The following DDX3X variants were observed in gnomAD, a reference collection of about 807,000 sequenced individuals.
The protein encoded by DDX3X is DEAD-box helicase 3 X-linked, also known as ATP-dependent RNA helicase DDX3X.
In DDX3X, 4 loss-of-function variants were observed where a neutral mutation model predicts 52.7. The ratio of observed to expected loss-of-function variants is 0.08; its 90% CI spans 0.04 to 0.17. The LOEUF is 0.17. DDX3X is among the 10% of genes least tolerant of loss of function. The pLI is 1.00. For synonymous variants in DDX3X, 192 were observed against 178.1 expected (o/e 1.08, Z -0.62); for missense variants, 222 against 548.6 (o/e 0.40, Z 5.95).
intron 3 of DDX3X, 55 bp downstream of exon 3, chrX:41,339,138 G>T: frequency 1.4e-6 from 1 of 719,704 alleles, no homozygotes. Context: ...TTAGAAGTTA[G>T]TAAAGCCTAA....
At chrX:41,358,902 G>A (rs775654233) in intron 5 of DDX3X, among the ~76,000 whole-genome samples, 5 of 111,502 alleles carry the variant, frequency 4.5e-5, no homozygotes, top group East Asian at 2.8e-4. Context: ...GGGATTACAG[G>A]TGCCCACCAC....
At position 41,345,750 on chromosome X, in the gene DDX3X, T is replaced by C. The variant is rs2690008; in HGVS notation, c.1315+202T>C. ...TGCTTCCGGGAGGTTACCATGTTGA[T>C]GCCAAACTTAGTGTGGACACCTGAT... On this transcript the variant is annotated intron_variant, in intron 12 of 16. Coordinates refer to ENST00000644876, the MANE Select transcript of DDX3X (RefSeq NM_001356.5). 8.8e-3 allele frequency: 3,541 copies of C among 401,072 alleles called. 13 individuals are homozygous for C. Among genetic ancestry groups the C allele is most frequent in the Middle Eastern group, 0.029 (43 of 1,461 alleles). The allele number at this position is 401,072 out of a possible 1,213,427, so 33.1% of individuals were successfully genotyped here. A position where few individuals can be genotyped will look rare whatever the true frequency, so the allele number is the denominator to read the frequency against.
At chrX:41,342,210 G>C (rs1268217239) in intron 4 of DDX3X, 2 of 264,255 alleles carry the variant, frequency 7.6e-6, no homozygotes, top group Non-Finnish European at 1.3e-5. Flanking sequence ...AAGGTTGTGA[G>C]CTGTGTGCCG....
rs745363651 is a variant in DDX3X, at chrX:41,345,466, C to G, written c.1233C>G (p.Thr411=). ...TGGCTGTAGGAAGAGTTGGCTCTAC[C>G]TCTGAAAACATCACACAGAAAGTAG... The part of the protein sequence containing the change: ...IFLAVGRVGS[T]SENITQKVVW... The change falls in exon 12 of 17, where the codon ACC becomes ACG. Residue 411 remains threonine, a synonymous_variant. Coordinates refer to ENST00000644876, the MANE Select transcript of DDX3X (RefSeq NM_001356.5). The G allele has an allele frequency of 2.5e-6, 3 of 1,209,707 alleles. No homozygotes were observed. Among genetic ancestry groups the G allele is most frequent in the South Asian group, 3.5e-5 (2 of 56,822 alleles).
At chrX:41,341,066 A>G in intron 3 of DDX3X, 1 of 193,242 alleles carries the variant, frequency 5.2e-6, no homozygotes, top group Non-Finnish European at 9.5e-6. Flanking sequence ...GCTCACTGCA[A>G]CCTCAGCCTC....
chrX:41,341,907 CTA>C (rs2063856309), intron 4 of DDX3X: 3 of 233,233 alleles, frequency 1.3e-5, no homozygotes, highest in Middle Eastern at 1.4e-3. Context: ...TTTGTGGACT[CTA>C]TAACAATTTC....
intron 5 of DDX3X, among the ~76,000 whole-genome samples, chrX:41,360,377 CA>C (rs1222630328): frequency 0.024 from 1,929 of 80,244 alleles, 42 homozygotes; most frequent in African/African-American, 0.075. Flanking sequence ...AACTCTGTCT[CA>C]AAAAAAAAAA....
At chrX:41,337,619 T>G in intron 2 of DDX3X, 154 bp downstream of exon 2, 1 of 424,181 alleles carries the variant, frequency 2.4e-6, no homozygotes, top group Non-Finnish European at 3.9e-6. Context: ...TAGTACTTAG[T>G]GATCAATCTA....
intron 5 of DDX3X, among the ~76,000 whole-genome samples, chrX:41,361,371 G>A (rs2064029290): frequency 9.1e-6 from 1 of 109,676 alleles, no homozygotes; most frequent in South Asian, 3.9e-4. Flanking sequence ...AATTAGCCGG[G>A]TGTGGTGGCT....
downstream of DDX3X, among the ~76,000 whole-genome samples, chrX:41,354,235 A>C: frequency 9.1e-6 from 1 of 109,365 alleles, no homozygotes; most frequent in Non-Finnish European, 1.9e-5. Context: ...AGTTTTACTC[A>C]TTTGTATGCA....
chrX:41,335,183 T>G (rs925237560), intron 1 of DDX3X: 4 of 111,126 alleles, frequency 3.6e-5, no homozygotes, highest in African/African-American at 1.3e-4. Context: ...TTCTCCTCCT[T>G]GCTTGCCCCA....
chrX:41,348,000 C>T lies in DDX3X; in HGVS notation c.*281C>T. The T allele has an allele frequency of 5.9e-6, 2 of 337,183 alleles. No individual in the cohort carries two copies. Among genetic ancestry groups the T allele is most frequent in the South Asian group, 2.1e-4 (2 of 9,704 alleles). 27.8% of individuals were successfully genotyped at this position (337,183 alleles called of 1,213,427 possible). ...CCAAACTGCATTTATAATTTTGTGA[C>T]TGAGGATCATTTGTTTGTTAATGTA... On this transcript the variant is annotated 3_prime_UTR_variant, in exon 17 of 17. Transcript: ENST00000644876.
At chrX:41,350,684 G>A (rs759699087), downstream of DDX3X, 1 of 111,328 alleles carries the variant, frequency 9.0e-6, no homozygotes, top group African/African-American at 3.3e-5. Flanking sequence ...TAGTTTACTT[G>A]GAAGCTGAGG....
chrX:41,361,915 A>G (rs766698475), intron 5 of DDX3X, among the ~76,000 whole-genome samples: 2 of 110,662 alleles, frequency 1.8e-5, no homozygotes, highest in East Asian at 5.6e-4. Context: ...GGGTCCCCCC[A>G]CATCTCATTA....
upstream of DDX3X, chrX:41,333,874 TCTCGAGAA>T (rs1354064099): frequency 3.8e-5 from 6 of 156,704 alleles, no homozygotes; most frequent in Non-Finnish European, 7.3e-5. Flanking sequence ...TCTCGCGAGA[TCTCGAGAA>T]CTCCGAGGCT....
intron 5 of DDX3X, among the ~76,000 whole-genome samples, chrX:41,359,325 G>A (rs1034364425): frequency 8.9e-6 from 1 of 111,735 alleles, no homozygotes; most frequent in African/African-American, 3.3e-5. Flanking sequence ...GTTGCCTCCA[G>A]GCCGGGCATC....
rs2063948961 is a variant in DDX3X, at chrX:41,348,119, G to C, written c.*400G>C. 1 of 277,839 alleles carries C rather than the reference G, an allele frequency of 3.6e-6. No individual in the cohort carries two copies. Among genetic ancestry groups the C allele is most frequent in the South Asian group, 2.3e-4 (1 of 4,332 alleles). 22.9% of individuals were successfully genotyped at this position (277,839 alleles called of 1,213,427 possible). A position where few individuals can be genotyped will look rare whatever the true frequency, so the allele number is the denominator to read the frequency against. On this transcript the variant is annotated 3_prime_UTR_variant, in exon 17 of 17. Transcript: ENST00000644876. ...ATTGTTTTGACAAAATAAATTTACTGAACTTGGGCTAAAATCAAACCTTGG... is the reference window on the plus strand; with the variant it reads ...ATTGTTTTGACAAAATAAATTTACTCAACTTGGGCTAAAATCAAACCTTGG...
downstream of DDX3X, among the ~76,000 whole-genome samples, chrX:41,354,159 C>T (rs1376635027): frequency 9.0e-6 from 1 of 110,635 alleles, no homozygotes; most frequent in African/African-American, 3.3e-5. Context: ...TAACATCTGG[C>T]ATACTGCAGT....
Position 41,347,971 on chromosome X carries a change from C to T in DDX3X, c.*252C>T. Reference sequence around the variant, plus strand: ...GATTAACTCCCCTCCCGCCTACCCCCATCCCAAACTGCATTTATAATTTTG... The same window carrying T: ...GATTAACTCCCCTCCCGCCTACCCCTATCCCAAACTGCATTTATAATTTTG... On this transcript the variant is annotated 3_prime_UTR_variant, in exon 17 of 17. Transcript: ENST00000644876. 2.9e-6 allele frequency: 1 copy of T among 343,736 alleles called. No individual in the cohort carries two copies. Among genetic ancestry groups the T allele is most frequent in the Non-Finnish European group, 5.0e-6 (1 of 200,330 alleles). The allele number at this position is 343,736 out of a possible 1,213,427, so 28.3% of individuals were successfully genotyped here. A position where few individuals can be genotyped will look rare whatever the true frequency, so the allele number is the denominator to read the frequency against.
Sources: gnomAD v4.1 joint callset for allele counts (sites outside exome capture counted in the v4.1 genomes callset) on GRCh38, gnomAD v4.1.1 for gene constraint, MANE v1.5 for transcripts, NCBI Gene and HGNC (gene_info 2026-07-23, HGNC 2026-07-21) for gene names.